The following CASS4 variants were observed in gnomAD, a reference collection of about 807,000 sequenced individuals.
CASS4 encodes the protein Cas scaffold protein family member 4.
A neutral mutation model predicts 54.2 loss-of-function variants in CASS4; 22 were observed. The ratio of observed to expected loss-of-function variants is 0.41; its 90% confidence interval spans 0.29 to 0.58. The LOEUF (loss-of-function observed/expected upper bound fraction) is 0.58. Among genes scored for constraint, CASS4 ranks in the 20% least tolerant of loss-of-function variants. The pLI is 0.36. For missense variants in CASS4, 854 were observed against 986.7 expected, an observed-to-expected ratio of 0.87 and a Z score of 1.80; for synonymous variants, 409 against 391.5, an observed-to-expected ratio of 1.04 and a Z score of -0.53.
At chr20:56,423,605 C>T (rs562687462) in intron 1 of CASS4, among the ~76,000 whole-genome samples, 9 of 152,122 alleles carry the variant, frequency 5.9e-5, no homozygotes, top group South Asian at 2.1e-4. Flanking sequence ...AATGCAGTGG[C>T]GCAATCTCAG....
At chr20:56,420,555 ATT>A (rs11475630) in intron 1 of CASS4, among the ~76,000 whole-genome samples, 13,084 of 137,234 alleles carry the variant, frequency 0.095, 2,026 homozygotes, top group African/African-American at 0.33. Context: ...TGCCCATCTA[ATT>A]TTTTTTTTTT....
At chr20:56,422,593 CT>C (rs1348817914) in intron 1 of CASS4, among the ~76,000 whole-genome samples, 1 of 150,304 alleles carries the variant, frequency 6.7e-6, no homozygotes, top group East Asian at 2.0e-4. Context: ...CACTGGGTGG[CT>C]TTGGAATTTT....
At chr20:56,445,570 G>T (rs1472004505) in intron 2 of CASS4, among the ~76,000 whole-genome samples, 1 of 152,218 alleles carries the variant, frequency 6.6e-6, no homozygotes, top group Non-Finnish European at 1.5e-5. Context: ...TGTTAACACT[G>T]CAGGTTCCCG....
chr20:56,448,734 T>G (rs989426077), intron 3 of CASS4, among the ~76,000 whole-genome samples: 2 of 152,218 alleles, frequency 1.3e-5, no homozygotes, highest in African/African-American at 2.4e-5. Flanking sequence ...ACCTGTTTTT[T>G]GTATCCTAAT....
At position 56,458,450 on chromosome 20, in the gene CASS4, C is replaced by T. The variant is rs917007163; in HGVS notation, c.2064C>T (p.Ser688=). The part of the protein sequence containing the change: ...LYFGALFKAI[S]AFHGSLSSSQ... ...TTGGGGCGCTCTTCAAAGCCATCAG[C>T]GCATTTCACGGCAGCCTCAGCAGCA... is the stretch of plus-strand genomic sequence containing the variant. Residue 688 remains serine (S), a synonymous_variant, in exon 6 of 6, where the codon AGC becomes AGT. Transcript: ENST00000679887. The T allele has an allele frequency of 1.9e-6, 3 of 1,614,162 alleles. No individual in the cohort carries two copies. The highest frequency in any genetic ancestry group is 1.6e-4 in the Middle Eastern group (1 of 6,062).
At chr20:56,419,909 G>T (rs984343119) in intron 1 of CASS4, among the ~76,000 whole-genome samples, 5 of 152,168 alleles carry the variant, frequency 3.3e-5, no homozygotes, top group Non-Finnish European at 5.9e-5. Context: ...TGGGCTTGGT[G>T]GTGCACGCCT....
Position 56,422,937 on chromosome 20 carries a change from A to G in CASS4, c.36+10443A>G, listed in dbSNP as rs553639255. Among the ~76,000 whole-genome samples the G allele has an allele frequency of 3.0e-3, 450 of 152,314 alleles. 3 individuals are homozygous for G. The highest frequency in any genetic ancestry group is 0.01 in the Middle Eastern group (3 of 294). The stretch of plus-strand genomic sequence containing the variant: ...CCTGGTTTCTCTGGATAAACCGGCC[A>G]CAAAGGCTATTTGCATCCATTTGGA... On this transcript the variant is annotated intron_variant, in intron 1 of 5. Coordinates refer to ENST00000679887, the MANE Select transcript of CASS4 (RefSeq NM_020356.4).
chr20:56,446,602 T>G (rs1396267759), intron 3 of CASS4, among the ~76,000 whole-genome samples: 1 of 152,184 alleles, frequency 6.6e-6, no homozygotes, highest in African/African-American at 2.4e-5. Flanking sequence ...ATGCTTCATG[T>G]GATCAAAAAA....
rs1261213066 is a variant in CASS4 at position 56,452,520 on chromosome 20, G to A, written c.1344G>A (p.Gln448=). ...CCAAGGAGACAGTGATGGCTCTGCA[G>A]CACAAGGTGGTCAGCTCTGTCGCTG... ...DVAKETVMAL[Q]HKVVSSVAGL... is the part of the protein sequence containing the mutation. Residue 448 remains glutamine (Q), a synonymous_variant, in exon 5 of 6, where the codon CAG becomes CAA. Coordinates refer to ENST00000679887, the MANE Select transcript of CASS4 (RefSeq NM_020356.4). The A allele has an allele frequency of 1.2e-6, 2 of 1,613,998 alleles. No homozygotes were observed. The highest frequency in any genetic ancestry group is 3.3e-5 in the Admixed American group (2 of 60,002).
chr20:56,444,154 T>C (rs937137145), intron 2 of CASS4, among the ~76,000 whole-genome samples: 1 of 152,180 alleles, frequency 6.6e-6, no homozygotes, highest in South Asian at 2.1e-4. Flanking sequence ...ATCCAAGCCG[T>C]ACACATCCAC....
intron 3 of CASS4, among the ~76,000 whole-genome samples, chr20:56,449,529 G>A (rs1980891784): frequency 6.6e-6 from 1 of 152,048 alleles, no homozygotes; most frequent in Admixed American, 6.6e-5. Flanking sequence ...GTTAATGGGT[G>A]CAGCACACCA....
Position 56,437,222 on chromosome 20 carries a change from T to G in CASS4, c.95T>G (p.Phe32Cys). Reference protein sequence around the residue: ...NCPDCSDELAFSRGDILTILE... With the variant: ...NCPDCSDELACSRGDILTILE... ...CCTGACTGCTCTGACGAGCTGGCTTTCAGCAGAGGGGACATCCTGACCATT... is the reference window on the plus strand; with the variant it reads ...CCTGACTGCTCTGACGAGCTGGCTTGCAGCAGAGGGGACATCCTGACCATT... Residue 32 changes from phenylalanine to cysteine, a missense_variant, in exon 2 of 6, where the codon TTC becomes TGC. Coordinates refer to ENST00000679887, the MANE Select transcript of CASS4 (RefSeq NM_020356.4). The surrounding 1 kb of genome is among the most constrained non-coding windows in gnomAD (Gnocchi z 4.7). 3.1e-6 allele frequency: 5 copies of G among 1,607,956 alleles called. No homozygotes were observed. The highest frequency in any genetic ancestry group is 3.4e-6 in the Non-Finnish European group (4 of 1,176,216).
intron 1 of CASS4, among the ~76,000 whole-genome samples, chr20:56,429,088 G>T (rs886397389): frequency 7.2e-5 from 11 of 152,370 alleles, no homozygotes; most frequent in African/African-American, 2.6e-4. Flanking sequence ...CTAGAGAGGG[G>T]ATTTCCATCC....
At chr20:56,455,613 A>T (rs910252899) in intron 5 of CASS4, among the ~76,000 whole-genome samples, 1 of 152,186 alleles carries the variant, frequency 6.6e-6, no homozygotes, top group Admixed American at 6.6e-5. Context: ...AGTGTATCAC[A>T]ATCACCTATG....
intron 1 of CASS4, among the ~76,000 whole-genome samples, chr20:56,415,865 T>C (rs753378214): frequency 1.3e-5 from 2 of 152,246 alleles, no homozygotes; most frequent in Non-Finnish European, 2.9e-5. Flanking sequence ...TTTTGTGTAA[T>C]ATCCAGACTG....
At chr20:56,450,326 G>A (rs1980934705) in intron 3 of CASS4, among the ~76,000 whole-genome samples, 1 of 152,152 alleles carries the variant, frequency 6.6e-6, no homozygotes. Context: ...GCCCGGCTGA[G>A]AAGTCTCTTT....
At chr20:56,455,875 G>A (rs756417288) in intron 5 of CASS4, among the ~76,000 whole-genome samples, 1 of 152,078 alleles carries the variant, frequency 6.6e-6, no homozygotes, top group Non-Finnish European at 1.5e-5. Context: ...AGGTTGCGGT[G>A]AGCTGAGATC....
At chr20:56,454,471 C>T (rs1183055403) in intron 5 of CASS4, among the ~76,000 whole-genome samples, 1 of 152,144 alleles carries the variant, frequency 6.6e-6, no homozygotes, top group South Asian at 2.1e-4. Context: ...TTATATCAGG[C>T]CATGTTGATA....
chr20:56,452,645 T>G lies in CASS4; in HGVS notation c.1469T>G (p.Val490Gly). 6.2e-7 allele frequency: 1 copy of G among 1,614,142 alleles called. No homozygotes were observed. The highest frequency in any genetic ancestry group is 8.5e-7 in the Non-Finnish European group (1 of 1,180,020). Residue 490 changes from valine to glycine, a missense_variant, in exon 5 of 6, where the codon GTA (valine) becomes GGA (glycine). Coordinates refer to ENST00000679887, the MANE Select transcript of CASS4 (RefSeq NM_020356.4). ...HRSTDHIEES[V>G]REFLDFARGV... ...TCCACTGATCACATAGAAGAATCTG[T>G]AAGAGAATTTCTGGATTTTGCCCGA...
Sources: allele counts gnomAD v4.1 joint callset (sites outside exome capture counted in the v4.1 genomes callset), GRCh38; gene constraint gnomAD v4.1.1; non-coding constraint Gnocchi (gnomAD v3.1); transcripts MANE v1.5; gene names NCBI Gene and HGNC (gene_info 2026-07-23, HGNC 2026-07-21).